The following FDX1 variants were observed in gnomAD, a reference collection of about 807,000 sequenced individuals.
FDX1 encodes the protein ferredoxin 1.
FDX1 carries 9 observed loss-of-function variants against 14.9 expected under a neutral mutation model. The ratio of observed to expected loss-of-function variants is 0.60; its 90% CI spans 0.36 to 1.05. The LOEUF is 1.05. FDX1 is among the 50% of genes least tolerant of loss of function. The pLI, the probability that FDX1 is intolerant of heterozygous loss-of-function variation, is 0.01. For synonymous variants in FDX1, 92 were observed against 99.4 expected, an observed-to-expected ratio of 0.93 and a Z score of 0.44; for missense variants, 204 against 237.2, an observed-to-expected ratio of 0.86 and a Z score of 0.92.
At chr11:110,449,400 T>C (rs1290981575) in intron 2 of FDX1, among the ~76,000 whole-genome samples, 2 of 152,228 alleles carry the variant, frequency 1.3e-5, no homozygotes, top group East Asian at 3.8e-4. Flanking sequence ...GTTATTATTA[T>C]TAATTTTAAT....
chr11:110,443,177 A>G (rs1946416159), intron 2 of FDX1, among the ~76,000 whole-genome samples: 1 of 152,294 alleles, frequency 6.6e-6, no homozygotes, highest in South Asian at 2.1e-4. Flanking sequence ...ACAATTGGTT[A>G]CATAGTTGAA....
In FDX1 at chr11:110,462,738, G is replaced by A. The variant is rs917400645; in HGVS notation, c.*270G>A. On this transcript the variant is annotated 3_prime_UTR_variant, in exon 4 of 4. Transcript: ENST00000260270. ...TATTTTTTTCTTATGTTTGTTTAGC[G>A]ACTTTAGCAAAATGTTTTCATATAA... 1.2e-5 allele frequency: 3 copies of A among 243,940 alleles called. No individual in the cohort carries two copies. The highest frequency in any genetic ancestry group is 2.4e-5 in the Non-Finnish European group (3 of 124,242). The allele number at this position is 243,940 out of a possible 1,614,324, so 15.1% of individuals were successfully genotyped here.
chr11:110,434,850 ATGAGTAGC>A (rs1946358554), intron 1 of FDX1, among the ~76,000 whole-genome samples: 1 of 146,450 alleles, frequency 6.8e-6, no homozygotes, highest in Admixed American at 7.1e-5. Flanking sequence ...CCTCAGCCCC[ATGAGTAGC>A]TGGTACTATG....
At chr11:110,434,038 T>C (rs1946349976) in intron 1 of FDX1, among the ~76,000 whole-genome samples, 1 of 152,198 alleles carries the variant, frequency 6.6e-6, no homozygotes, top group Non-Finnish European at 1.5e-5. Flanking sequence ...AAATGACCAA[T>C]GGTGGAGGAA....
upstream of FDX1, chr11:110,429,932 A>G: frequency 2.8e-6 from 1 of 351,062 alleles, no homozygotes; most frequent in Non-Finnish European, 5.1e-6. Flanking sequence ...ATGTCTTTAT[A>G]GGTCACCCGG....
intron 2 of FDX1, 152 bp from the exon 3 acceptor site, chr11:110,456,766 C>T (rs1946525119): frequency 3.0e-6 from 2 of 667,322 alleles, no homozygotes; most frequent in Non-Finnish European, 4.7e-6. Flanking sequence ...GCTTTGGCCT[C>T]CTAAAGTGCT....
intron 3 of FDX1, among the ~76,000 whole-genome samples, chr11:110,461,244 C>T (rs1488634035): frequency 6.6e-6 from 1 of 151,820 alleles, no homozygotes; most frequent in Non-Finnish European, 1.5e-5. Flanking sequence ...ACCTGTTATC[C>T]CAACACTTTG....
chr11:110,434,831 G>C (rs557106993), intron 1 of FDX1, among the ~76,000 whole-genome samples: 63 of 150,018 alleles, frequency 4.2e-4, no homozygotes, highest in Admixed American at 4.0e-4. Context: ...TCTGGGATCG[G>C]GTGATCCACC....
chr11:110,441,546 C>T (rs1448112019), intron 2 of FDX1, among the ~76,000 whole-genome samples: 3 of 152,140 alleles, frequency 2.0e-5, no homozygotes, highest in African/African-American at 7.2e-5. Context: ...GCATTTTGCC[C>T]CTGCCCTAGA....
chr11:110,454,893 C>CCTAA (rs1202200112), intron 2 of FDX1, among the ~76,000 whole-genome samples: 2 of 152,148 alleles, frequency 1.3e-5, no homozygotes, highest in Non-Finnish European at 2.9e-5. Context: ...AGCCCATGCC[C>CCTAA]CTAACTCTGA....
chr11:110,438,887 G>A (rs191582118), intron 2 of FDX1, among the ~76,000 whole-genome samples: 103 of 152,064 alleles, frequency 6.8e-4, no homozygotes, highest in Non-Finnish European at 1.3e-3. Flanking sequence ...CTCTCATTCT[G>A]TAGGGTGTTT....
chr11:110,457,112 T>G, intron 3 of FDX1, 65 bp downstream of exon 3: 1 of 1,459,636 alleles, frequency 6.9e-7, no homozygotes, highest in Non-Finnish European at 9.5e-7. Context: ...TATTATGTTG[T>G]CTATGTAAGA....
intron 2 of FDX1, among the ~76,000 whole-genome samples, chr11:110,444,670 A>ATATATATATATACACACG (rs1946429150): frequency 5.6e-5 from 4 of 71,406 alleles, no homozygotes; most frequent in Non-Finnish European, 1.0e-4. Context: ...ATATACGTAT[A>ATATATATATATACACACG]TATATATATA....
At chr11:110,455,030 G>A (rs557913349) in intron 2 of FDX1, among the ~76,000 whole-genome samples, 17 of 152,258 alleles carry the variant, frequency 1.1e-4, no homozygotes, top group African/African-American at 3.8e-4. Context: ...GTTTTGAGAT[G>A]GAGTCTCACT....
intron 2 of FDX1, among the ~76,000 whole-genome samples, chr11:110,438,942 C>CGCCCAGGCTA: frequency 6.6e-6 from 1 of 151,916 alleles, no homozygotes; most frequent in Non-Finnish European, 1.5e-5. Context: ...CTTGTTCTGT[C>CGCCCAGGCTA]GCCCAGGCTA....
chr11:110,461,913 A>G (rs771980793), intron 3 of FDX1, among the ~76,000 whole-genome samples: 5 of 152,224 alleles, frequency 3.3e-5, no homozygotes, highest in Non-Finnish European at 7.3e-5. Context: ...TATTTATTCC[A>G]GATTTCTTCT....
At chr11:110,461,385 A>G (rs1485204954) in intron 3 of FDX1, among the ~76,000 whole-genome samples, 2 of 151,516 alleles carry the variant, frequency 1.3e-5, no homozygotes, top group African/African-American at 4.9e-5. Context: ...AGTCCCCGCT[A>G]CTTAGGAGGC....
chr11:110,436,405 A>G (rs905452482), intron 2 of FDX1, among the ~76,000 whole-genome samples: 2 of 152,214 alleles, frequency 1.3e-5, no homozygotes, highest in Non-Finnish European at 2.9e-5. Flanking sequence ...CTACACGTGC[A>G]AAGCCTGTGT....
At chr11:110,436,949 G>GGAGTAGGCTTTGTCCA (rs1209650815) in intron 2 of FDX1, among the ~76,000 whole-genome samples, 1 of 152,096 alleles carries the variant, frequency 6.6e-6, no homozygotes, top group Non-Finnish European at 1.5e-5. Context: ...GTCACCTCAT[G>GGAGTAGGCTTTGTCCA]GAGTAGGCTT....
Sources: allele counts gnomAD v4.1 joint callset (sites outside exome capture counted in the v4.1 genomes callset), GRCh38; gene constraint gnomAD v4.1.1; transcripts MANE v1.5; gene names NCBI Gene and HGNC (gene_info 2026-07-23, HGNC 2026-07-21).